Variants in RPTOR observed in about 807,000 individuals in gnomAD.
RPTOR encodes regulatory associated protein of MTOR complex 1.
Under a neutral mutation model 169.9 loss-of-function variants are expected in RPTOR, and 21 were observed. The observed-to-expected ratio is 0.12, with a 90% CI of 0.09 to 0.18. The LOEUF (loss-of-function observed/expected upper bound fraction) is 0.18. RPTOR is among the 10% of genes least tolerant of loss of function. The probability of loss-of-function intolerance (pLI) is 1.00; values close to 1 mark genes in which losing one functional copy is unlikely to be tolerated. For missense variants in RPTOR, 1,133 were observed against 1,855.9 expected (o/e 0.61, Z 7.16); for synonymous variants, 732 against 753.2 (o/e 0.97, Z 0.46).
intron 20 of RPTOR, among the ~76,000 whole-genome samples, chr17:80,900,314 G>A (rs1304608220): frequency 6.6e-6 from 1 of 151,760 alleles, no homozygotes; most frequent in African/African-American, 2.4e-5. Flanking sequence ...CTGGGGCCGT[G>A]TGCTCACTGT....
chr17:80,841,951 TC>T (rs2067672897), intron 10 of RPTOR, among the ~76,000 whole-genome samples: 1 of 145,962 alleles, frequency 6.9e-6, no homozygotes, highest in African/African-American at 2.6e-5. Flanking sequence ...CAGCTCACAC[TC>T]ACCGCACGGC....
intron 28 of RPTOR, among the ~76,000 whole-genome samples, chr17:80,955,091 A>G (rs1041565966): frequency 6.6e-6 from 1 of 152,160 alleles, no homozygotes; most frequent in East Asian, 1.9e-4. Context: ...GGATGAAAAG[A>G]CTCATCATTG....
chr17:80,901,236 C>T (rs1256515345), intron 20 of RPTOR, among the ~76,000 whole-genome samples: 4 of 152,110 alleles, frequency 2.6e-5, no homozygotes, highest in Admixed American at 6.5e-5. Flanking sequence ...GCCACCCAGA[C>T]GGGAAGCACA....
rs143415589 is a variant in RPTOR at position 80,959,236 on chromosome 17, C to A, written c.3478-842C>A. Among the ~76,000 whole-genome samples, 10 of 152,328 alleles carry A rather than the reference C, an allele frequency of 6.6e-5. No individual in the cohort carries two copies. The East Asian group carries it at 1.9e-3, about 29-fold the overall frequency. The stretch of plus-strand genomic sequence containing the variant: ...CCTTCTTTGGGGTGGGGGGGTCTTG[C>A]ACCTGTCTGGAGCTGTGGCTCCACA... On this transcript the variant is annotated intron_variant, in intron 29 of 33. Coordinates refer to ENST00000306801, the MANE Select transcript of RPTOR (RefSeq NM_020761.3). The surrounding 1 kb of genome is among the most constrained non-coding windows in gnomAD (Gnocchi z 6.7).
chr17:80,962,884 CAAA>C (rs1267881978), intron 32 of RPTOR, 41 bp from the exon 33 acceptor site: 6 of 1,610,038 alleles, frequency 3.7e-6, no homozygotes, highest in African/African-American at 1.3e-5. Flanking sequence ...CTTCCATCCT[CAAA>C]GAAGAGGGCA....
At chr17:80,789,232 A>G (rs771370951) in intron 6 of RPTOR, among the ~76,000 whole-genome samples, 19 of 152,172 alleles carry the variant, frequency 1.2e-4, no homozygotes, top group Admixed American at 3.9e-4. Context: ...GATTTTAGAT[A>G]GTATACTATC....
At chr17:80,657,631 G>C (rs1329958793) in intron 3 of RPTOR, among the ~76,000 whole-genome samples, 1 of 152,172 alleles carries the variant, frequency 6.6e-6, no homozygotes, top group Non-Finnish European at 1.5e-5. Context: ...CCTTTGGCTG[G>C]TTCTGTCGAG....
Position 80,964,691 on chromosome 17 carries a change from A to C in RPTOR, c.*361A>C. On this transcript the variant is annotated 3_prime_UTR_variant, in exon 34 of 34. Transcript: ENST00000306801. ...GTAATCAGAGCATTAGCTGCAGAAA[A>C]ACCCCCCGACAGAGCCCTGGCGGAG... 5 of 305,736 alleles carry C rather than the reference A, an allele frequency of 1.6e-5. No homozygotes were observed. The highest frequency in any genetic ancestry group is 3.1e-5 in the Non-Finnish European group (5 of 161,228). 18.9% of individuals were successfully genotyped at this position (305,736 alleles called of 1,614,324 possible).
chr17:80,825,820 A>G (rs2067436153), intron 9 of RPTOR, among the ~76,000 whole-genome samples: 1 of 152,208 alleles, frequency 6.6e-6, no homozygotes, highest in South Asian at 2.1e-4. Context: ...CGCATGGTCC[A>G]TCATCCCACC....
In RPTOR at chr17:80,730,779, G is replaced by T; in HGVS notation, c.654+73G>T. 1.6e-6 allele frequency: 1 copy of T among 628,128 alleles called. No homozygotes were observed. The highest frequency in any genetic ancestry group is 1.5e-5 in the South Asian group (1 of 68,526). 38.9% of individuals were successfully genotyped at this position (628,128 alleles called of 1,614,324 possible). ...TCCCTGGGGGTGGGGTTTGGGTGGG[G>T]AGGTTGGGAGGTGTTGGACATCCTC... is the stretch of plus-strand genomic sequence containing the variant. On this transcript the variant is annotated intron_variant, in intron 5 of 33. Transcript: ENST00000306801. This position sits in a 1 kb window ranked among gnomAD's most constrained non-coding sequence, Gnocchi z 4.2.
chr17:80,836,085 C>A (rs1199330399), intron 9 of RPTOR, among the ~76,000 whole-genome samples: 2 of 152,130 alleles, frequency 1.3e-5, no homozygotes, highest in African/African-American at 4.8e-5. Flanking sequence ...CGCCCAGAGC[C>A]CCAGAGCCAC....
chr17:80,594,306 C>A (rs2065129020), intron 1 of RPTOR, among the ~76,000 whole-genome samples: 1 of 152,062 alleles, frequency 6.6e-6, no homozygotes, highest in African/African-American at 2.4e-5. Context: ...GTTGGCCAGG[C>A]TGGTCTTGAA....
Position 80,894,382 on chromosome 17 carries a change from G to C in RPTOR, c.2401+517G>C, listed in dbSNP as rs555706191. On this transcript the variant is annotated intron_variant, in intron 20 of 33. Coordinates refer to ENST00000306801, the MANE Select transcript of RPTOR (RefSeq NM_020761.3). ...GGGCCCTGCGGTCGGGCTGGGGGCT[G>C]TCATCCCCGCCCTGCTCACCTGCGG... is the stretch of plus-strand genomic sequence containing the variant. Among the ~76,000 whole-genome samples, 57 of 152,260 alleles carry C rather than the reference G, an allele frequency of 3.7e-4. No individual in the cohort carries two copies. The East Asian group carries it at 7.5e-3, about 20-fold the overall frequency.
intron 9 of RPTOR, among the ~76,000 whole-genome samples, chr17:80,824,954 C>T (rs1267490844): frequency 2.6e-5 from 4 of 152,004 alleles, no homozygotes; most frequent in Non-Finnish European, 5.9e-5. Context: ...CGTGGGGCAG[C>T]CACATCCCAC....
At chr17:80,781,599 G>C (rs2066942833) in intron 6 of RPTOR, among the ~76,000 whole-genome samples, 1 of 152,226 alleles carries the variant, frequency 6.6e-6, no homozygotes, top group Non-Finnish European at 1.5e-5. Flanking sequence ...CTCTGCAGCA[G>C]CTGAGACGTT....
chr17:80,821,952 G>C (rs1034784736), intron 7 of RPTOR, among the ~76,000 whole-genome samples: 1 of 152,188 alleles, frequency 6.6e-6, no homozygotes, highest in African/African-American at 2.4e-5. Context: ...TGTAAGTCTG[G>C]GGACACCAGA....
At chr17:80,793,962 G>A (rs1447304208) in intron 7 of RPTOR, among the ~76,000 whole-genome samples, 1 of 152,190 alleles carries the variant, frequency 6.6e-6, no homozygotes, top group African/African-American at 2.4e-5. Context: ...CCAACACACG[G>A]AGGTTTTCCC....
At chr17:80,559,438 C>T (rs978672445) in intron 1 of RPTOR, among the ~76,000 whole-genome samples, 1 of 152,182 alleles carries the variant, frequency 6.6e-6, no homozygotes, top group Non-Finnish European at 1.5e-5. Flanking sequence ...ACTCTGTGCC[C>T]TCCCTGCCCC....
intron 17 of RPTOR, 130 bp from the exon 18 acceptor site, chr17:80,891,588 CCT>C (rs2068324750): frequency 1.5e-6 from 1 of 679,432 alleles, no homozygotes. Flanking sequence ...AGGGATGGTC[CCT>C]GTTTCTGATG....
Sources: allele counts gnomAD v4.1 joint callset (sites outside exome capture counted in the v4.1 genomes callset), GRCh38; gene constraint gnomAD v4.1.1; non-coding constraint Gnocchi (gnomAD v3.1); transcripts MANE v1.5; gene names NCBI Gene and HGNC (gene_info 2026-07-23, HGNC 2026-07-21).